Variants in DKK4 observed in about 807,000 individuals in gnomAD.
DKK4 encodes the protein dickkopf Wnt signaling pathway inhibitor 4.
A neutral mutation model predicts 14.5 loss-of-function variants in DKK4; 15 were observed. The observed-to-expected ratio is 1.03, with a 90% CI of 0.69 to 1.59. The LOEUF is 1.59. Among genes scored for constraint, DKK4 ranks in the 40% most tolerant of loss-of-function variants. DKK4 has a pLI of 0.00. For missense variants in DKK4, 272 were observed against 280.3 expected (o/e 0.97, Z 0.21); for synonymous variants, 89 against 105.2 (o/e 0.85, Z 0.94).
chr8:42,375,976 G>T, intron 1 of DKK4, 146 bp from the exon 2 acceptor site: 1 of 1,109,210 alleles, frequency 9.0e-7, no homozygotes, highest in Non-Finnish European at 1.3e-6. Context: ...CAGTGGAAAT[G>T]GTTTTCTCCC....
Position 42,376,961 on chromosome 8 carries a change from A to T in DKK4, c.85T>A (p.Ser29Thr). Reference sequence around the variant, plus strand: ...TTCCGGGCCCCATGCAGGTCAGCAGAGCTCCTGATGTTGTTGAAGTCCAGG... The same window carrying T: ...TTCCGGGCCCCATGCAGGTCAGCAGTGCTCCTGATGTTGTTGAAGTCCAGG... Reference protein sequence around the residue: ...LVLDFNNIRSSADLHGARKGS... With the variant: ...LVLDFNNIRSTADLHGARKGS... Residue 29 changes from serine to threonine, a missense_variant, in exon 1 of 4, where the codon TCT (serine) becomes ACT (threonine). Transcript: ENST00000220812. 1.2e-6 allele frequency: 2 copies of T among 1,613,782 alleles called. No homozygotes were observed. The highest frequency in any genetic ancestry group is 1.7e-6 in the Non-Finnish European group (2 of 1,179,988).
upstream of DKK4, among the ~76,000 whole-genome samples, chr8:42,380,648 GAGAA>G (rs1300525629): frequency 9.0e-6 from 1 of 110,800 alleles, no homozygotes; most frequent in Non-Finnish European, 1.6e-5. Flanking sequence ...AAGAAAGTGA[GAGAA>G]AGGAAGGAAG....
At chr8:42,380,949 GA>G (rs1480859725), upstream of DKK4, among the ~76,000 whole-genome samples, 1 of 151,966 alleles carries the variant, frequency 6.6e-6, no homozygotes, top group African/African-American at 2.4e-5. Flanking sequence ...ACGAACAAAC[GA>G]AAGAAAGAGA....
upstream of DKK4, among the ~76,000 whole-genome samples, chr8:42,380,568 G>A (rs1278520826): frequency 7.0e-6 from 1 of 143,706 alleles, no homozygotes; most frequent in Non-Finnish European, 1.5e-5. Context: ...AAAAATGAAA[G>A]GAAGACAAAC....
chr8:42,377,129 C>A lies in DKK4; in HGVS notation c.-84G>T. The A allele has an allele frequency of 9.0e-7, 1 of 1,108,612 alleles. No individual in the cohort carries two copies. Among genetic ancestry groups the A allele is most frequent in the South Asian group, 1.4e-5 (1 of 73,738 alleles). The allele number at this position is 1,108,612 out of a possible 1,614,324, so 68.7% of individuals were successfully genotyped here. ...CTCTCCACCCAGAGCAGAGCTTCCA[C>A]TAAGCTGGCAGCTCAGCACGTCGTC... On this transcript the variant is annotated 5_prime_UTR_variant, in exon 1 of 4. Coordinates refer to ENST00000220812, the MANE Select transcript of DKK4 (RefSeq NM_014420.3).
At position 42,376,969 on chromosome 8, in the gene DKK4, A is replaced by C. The variant is rs1554539416; in HGVS notation, c.77T>G (p.Ile26Ser). 11 of 1,613,714 alleles carry C rather than the reference A, an allele frequency of 6.8e-6. No individual in the cohort carries two copies. The South Asian group carries it at 1.1e-4, about 16-fold the overall frequency. Residue 26 changes from isoleucine (I) to serine (S), a missense_variant, in exon 1 of 4, where the codon ATC becomes AGC. Ile to Ser is a moderately radical substitution (Grantham distance 142, BLOSUM62 -2). Transcript: ENST00000220812. ...LGALVLDFNN[I>S]RSSADLHGAR... ...CCCATGCAGGTCAGCAGAGCTCCTG[A>C]TGTTGTTGAAGTCCAGGACCAGAGC...
At chr8:42,375,588 C>A in intron 2 of DKK4, 92 bp downstream of exon 2, 1 of 1,491,168 alleles carries the variant, frequency 6.7e-7, no homozygotes, top group Non-Finnish European at 9.2e-7. Context: ...TAGGAAGCAC[C>A]ATTAGAGAGT....
chr8:42,375,897 G>C, intron 1 of DKK4, 67 bp from the exon 2 acceptor site: 3 of 1,570,848 alleles, frequency 1.9e-6, no homozygotes, highest in Non-Finnish European at 2.6e-6. Flanking sequence ...ACTTATTATT[G>C]AAGGCAGGAG....
At chr8:42,379,374 T>TATATAC, upstream of DKK4, among the ~76,000 whole-genome samples, 1 of 48,396 alleles carries the variant, frequency 2.1e-5, no homozygotes, top group Non-Finnish European at 3.9e-5. Flanking sequence ...TATATATATA[T>TATATAC]ATATAGAGAG....
At position 42,374,259 on chromosome 8, in the gene DKK4, C is replaced by G. The variant is rs1824505654; in HGVS notation, c.516G>C (p.Glu172Asp). Residue 172 changes from glutamate to aspartate, a missense_variant, in exon 4 of 4, where the codon GAG becomes GAC. Glu to Asp is a conservative substitution (Grantham distance 45). Coordinates refer to ENST00000220812, the MANE Select transcript of DKK4 (RefSeq NM_014420.3). ...GCCCTCTTCTGGAGCAGACCTGTCC[C>G]TCCAAAAGGACTGGCTTACAAATTT... ...WTKICKPVLLEGQVCSRRGHK... is the reference protein window; with the variant it reads ...WTKICKPVLLDGQVCSRRGHK... 19 of 1,612,050 alleles carry G rather than the reference C, an allele frequency of 1.2e-5. No individual in the cohort carries two copies. Among genetic ancestry groups the G allele is most frequent in the Non-Finnish European group, 1.5e-5 (18 of 1,178,956 alleles).
upstream of DKK4, among the ~76,000 whole-genome samples, chr8:42,378,291 T>G (rs1007474649): frequency 6.6e-6 from 1 of 152,200 alleles, no homozygotes; most frequent in East Asian, 1.9e-4. Flanking sequence ...ATAATCTTAT[T>G]ATTTACTACA....
upstream of DKK4, among the ~76,000 whole-genome samples, chr8:42,382,093 C>A (rs1036989128): frequency 6.6e-6 from 1 of 152,182 alleles, no homozygotes; most frequent in Non-Finnish European, 1.5e-5. Flanking sequence ...GACTTTAGTG[C>A]CTTAGCAGGC....
chr8:42,390,427 G>A, the DKK4 span, among the ~76,000 whole-genome samples: 3 of 138,786 alleles, frequency 2.2e-5, no homozygotes, highest in African/African-American at 5.5e-5. Flanking sequence ...GCAGTGGCGC[G>A]ATCTCGGCTC....
chr8:42,385,692 G>C, the DKK4 span, among the ~76,000 whole-genome samples: 1 of 152,062 alleles, frequency 6.6e-6, no homozygotes, highest in African/African-American at 2.4e-5. Context: ...CCTGATTCCA[G>C]GAGCATTTCC....
At chr8:42,383,388 C>T in the DKK4 span, among the ~76,000 whole-genome samples, 163 of 152,384 alleles carry the variant, frequency 1.1e-3, no homozygotes, top group African/African-American at 3.8e-3. Flanking sequence ...CTTTTACACA[C>T]CAGTGTTCTG....
At chr8:42,384,934 T>C in the DKK4 span, among the ~76,000 whole-genome samples, 1 of 152,210 alleles carries the variant, frequency 6.6e-6, no homozygotes, top group Non-Finnish European at 1.5e-5. Context: ...GTCACCTCCT[T>C]CTTTCCCAAA....
At chr8:42,374,604 C>T (rs758118142) in intron 3 of DKK4, among the ~76,000 whole-genome samples, 157 bp downstream of exon 3, 6 of 152,184 alleles carry the variant, frequency 3.9e-5, no homozygotes, top group Non-Finnish European at 7.3e-5. Context: ...CTCTACGTGA[C>T]CCCCACAGCT....
chr8:42,387,106 G>A, the DKK4 span, among the ~76,000 whole-genome samples: 1 of 152,148 alleles, frequency 6.6e-6, no homozygotes, highest in Non-Finnish European at 1.5e-5. Flanking sequence ...TTGTGCCCTG[G>A]ACACGAAAGA....
At chr8:42,386,122 G>C in the DKK4 span, among the ~76,000 whole-genome samples, 3 of 152,062 alleles carry the variant, frequency 2.0e-5, no homozygotes, top group Admixed American at 1.3e-4. Flanking sequence ...TGTGTTGCCC[G>C]GGCTGGAGTG....
Sources: allele counts gnomAD v4.1 joint callset (sites outside exome capture counted in the v4.1 genomes callset), GRCh38; gene constraint gnomAD v4.1.1; transcripts MANE v1.5; gene names NCBI Gene and HGNC (gene_info 2026-07-23, HGNC 2026-07-21).